The following ADAM9 variants were observed in gnomAD, a reference collection of about 807,000 sequenced individuals.
ADAM9 encodes the protein disintegrin and metalloproteinase domain-containing protein 9.
ADAM9 carries 54 observed loss-of-function variants against 108.1 expected under a neutral mutation model. The observed-to-expected ratio is 0.50, with a 90% CI of 0.40 to 0.63. The LOEUF is 0.63. ADAM9 is among the 20% of genes least tolerant of loss of function. The pLI is 0.00. For synonymous variants in ADAM9, 316 were observed against 336.0 expected, an observed-to-expected ratio of 0.94 and a Z score of 0.65; for missense variants, 830 against 997.7, an observed-to-expected ratio of 0.83 and a Z score of 2.26.
chr8:39,061,223 A>C (rs1838288292), intron 14 of ADAM9, among the ~76,000 whole-genome samples: 1 of 152,178 alleles, frequency 6.6e-6, no homozygotes, highest in Non-Finnish European at 1.5e-5. Context: ...AGTGGGTTCC[A>C]CCTGGCCTTT....
intron 10 of ADAM9, among the ~76,000 whole-genome samples, chr8:39,026,140 G>C (rs751482662): frequency 6.6e-6 from 1 of 152,114 alleles, no homozygotes; most frequent in Non-Finnish European, 1.5e-5. Context: ...AGAATGTCCA[G>C]GTTTGTTACA....
chr8:39,041,979 G>A lies in ADAM9; in HGVS notation c.1164G>A (p.Glu388=). Residue 388 remains glutamate, a synonymous_variant, in exon 12 of 22, where the codon GAG becomes GAA. Coordinates refer to ENST00000487273, the MANE Select transcript of ADAM9 (RefSeq NM_003816.3). ...GAAACTTTAGCAGTTGCAGTGCAGA[G>A]GACTTTGAGAAGTTAACTTTAAATA... ...GSRNFSSCSA[E]DFEKLTLNKG... 2 of 1,614,036 alleles carry A rather than the reference G, an allele frequency of 1.2e-6. No individual in the cohort carries two copies. Among genetic ancestry groups the A allele is most frequent in the African/African-American group, 1.3e-5 (1 of 75,040 alleles).
intron 7 of ADAM9, 113 bp downstream of exon 7, chr8:39,019,031 A>T: frequency 9.3e-7 from 1 of 1,076,794 alleles, no homozygotes; most frequent in Admixed American, 2.0e-5. Context: ...TTAAATAATG[A>T]TTTTAAAACT....
In ADAM9 at chr8:39,034,649, A is replaced by G. The variant is rs116503787; in HGVS notation, c.1131-7297A>G. On this transcript the variant is annotated intron_variant, in intron 11 of 21. Transcript: ENST00000487273. ...TTTTTTGAGGATATTTTTGTTGAAT[A>G]TAGAATCGTAGATCATCAGTTATTT... is the stretch of plus-strand genomic sequence containing the variant. Among the ~76,000 whole-genome samples, 169 of 152,316 alleles carry G rather than the reference A, an allele frequency of 1.1e-3. 1 individual carries two copies. Among genetic ancestry groups the G allele is most frequent in the African/African-American group, 3.8e-3 (157 of 41,578 alleles).
At chr8:39,067,981 T>G (rs1258255533) in intron 14 of ADAM9, among the ~76,000 whole-genome samples, 1 of 152,252 alleles carries the variant, frequency 6.6e-6, no homozygotes, top group African/African-American at 2.4e-5. Flanking sequence ...TCAAAGGCCT[T>G]TTCTGCATCT....
intron 16 of ADAM9, among the ~76,000 whole-genome samples, chr8:39,081,072 C>T (rs758164472): frequency 9.9e-5 from 15 of 151,634 alleles, no homozygotes; most frequent in Non-Finnish European, 1.6e-4. Flanking sequence ...TGCTGCCTCC[C>T]AGGTAGCTGG....
At chr8:39,056,373 G>T (rs1014884134) in intron 14 of ADAM9, among the ~76,000 whole-genome samples, 8 of 123,346 alleles carry the variant, frequency 6.5e-5, no homozygotes, top group Non-Finnish European at 1.1e-4. Flanking sequence ...TTGTTAACTT[G>T]TGCTAGGTTT....
At chr8:39,100,734 C>T (rs1839666211) in intron 20 of ADAM9, among the ~76,000 whole-genome samples, 1 of 152,194 alleles carries the variant, frequency 6.6e-6, no homozygotes, top group Admixed American at 6.5e-5. Context: ...TGCTCAAGGT[C>T]TTCACCACCA....
At position 39,026,665 on chromosome 8, in the gene ADAM9, T is replaced by C. The variant is rs752106962; in HGVS notation, c.997-12T>C. On this transcript the variant is annotated splice_polypyrimidine_tract_variant and intron_variant, in intron 10 of 21. Coordinates refer to ENST00000487273, the MANE Select transcript of ADAM9 (RefSeq NM_003816.3). The stretch of plus-strand genomic sequence containing the variant: ...TTCAGAAACCTAATTACTACCTTCC[T>C]GTTCTGAACAGTTTGGACAAATCAC... The C allele has an allele frequency of 6.2e-6, 10 of 1,614,046 alleles. No individual in the cohort carries two copies. The South Asian group carries it at 1.1e-4, about 18-fold the overall frequency.
intron 2 of ADAM9, among the ~76,000 whole-genome samples, chr8:39,010,765 T>C (rs1173127277): frequency 1.3e-5 from 2 of 152,136 alleles, no homozygotes; most frequent in Non-Finnish European, 1.5e-5. Flanking sequence ...ATGCCATCAA[T>C]TGTGAGACAC....
At chr8:39,013,489 G>A (rs1406321262) in intron 3 of ADAM9, among the ~76,000 whole-genome samples, 2 of 147,918 alleles carry the variant, frequency 1.4e-5, no homozygotes, top group East Asian at 3.9e-4. Context: ...CCGTTTATGA[G>A]CTTTTTTTTT....
rs755884246 is a variant in ADAM9, at chr8:39,011,729, A to G, written c.254+13A>G. 20 of 1,604,300 alleles carry G rather than the reference A, an allele frequency of 1.2e-5. No homozygotes were observed. Among genetic ancestry groups the G allele is most frequent in the Non-Finnish European group, 1.6e-5 (19 of 1,171,344 alleles). ...TGGAAAGGAACAAGTAAGACATTTA[A>G]TTTATTTTGGCTTTTCAGTAATGTT... On this transcript the variant is annotated intron_variant, in intron 3 of 21. Transcript: ENST00000487273.
chr8:39,045,064 A>ACATACATATGTATGTGTATGTGTGTGTG (rs1380546296), intron 12 of ADAM9, among the ~76,000 whole-genome samples: 2 of 28,434 alleles, frequency 7.0e-5, no homozygotes, highest in Non-Finnish European at 1.2e-4. Context: ...GTGTGTGCAT[A>ACATACATATGTATGTGTATGTGTGTGTG]CATACATATG....
chr8:39,007,887 C>T lies in ADAM9; in HGVS notation c.99C>T (p.Gly33=), dbSNP rs746965500. ...VGPVLGAARP[G]FQQTSHLSSY... is the part of the protein sequence containing the mutation. ...TATTTGTTTTTGCCTTTTCTGTAGG[C>T]TTTCAACAGACCTCACATCTTTCTT... Residue 33 remains glycine, a splice_region_variant and synonymous_variant, in exon 2 of 22, where the codon GGC becomes GGT. Transcript: ENST00000487273. 1.2e-6 allele frequency: 2 copies of T among 1,606,994 alleles called. No homozygotes were observed. Among genetic ancestry groups the T allele is most frequent in the East Asian group, 2.2e-5 (1 of 44,752 alleles).
intron 8 of ADAM9, 65 bp from the exon 9 acceptor site, chr8:39,023,091 G>A: frequency 7.1e-7 from 1 of 1,401,968 alleles, no homozygotes; most frequent in Non-Finnish European, 9.9e-7. Flanking sequence ...GTTACTTCAT[G>A]TGGTTAAAAG....
In ADAM9 at chr8:39,055,636, C is replaced by A. The variant is rs1588391640; in HGVS notation, c.1455C>A (p.Tyr485Ter). The A allele has an allele frequency of 1.9e-6, 3 of 1,613,688 alleles. No homozygotes were observed. The highest frequency in any genetic ancestry group is 8.5e-7 in the Non-Finnish European group (1 of 1,179,784). Residue 485 changes from tyrosine to a stop codon, truncating the protein, a stop_gained, in exon 14 of 22, where the codon TAC becomes TAA. Coordinates refer to ENST00000487273, the MANE Select transcript of ADAM9 (RefSeq NM_003816.3). LOFTEE classifies it high-confidence loss of function. ...CCAGTGAGTGTGATGTTCCAGAGTA[C>A]TGCAATGGTTCTTCTCAGTTCTGTC... ...GKTSECDVPE[Y>*]CNGSSQFCQP... is the part of the protein sequence containing the mutation.
At chr8:38,999,383 G>A (rs918734072) in intron 1 of ADAM9, among the ~76,000 whole-genome samples, 3 of 151,332 alleles carry the variant, frequency 2.0e-5, no homozygotes, top group Middle Eastern at 3.4e-3. Context: ...AAAAATAAGC[G>A]GAATCAGGTA....
chr8:39,024,131 A>T (rs770086185), intron 9 of ADAM9, among the ~76,000 whole-genome samples: 12 of 152,158 alleles, frequency 7.9e-5, no homozygotes, highest in Non-Finnish European at 1.5e-5. Context: ...GGGAAGTCTG[A>T]AACATTCTGA....
intron 11 of ADAM9, among the ~76,000 whole-genome samples, chr8:39,029,552 G>C (rs980242612): frequency 1.3e-5 from 2 of 152,186 alleles, no homozygotes; most frequent in Non-Finnish European, 2.9e-5. Context: ...TTATATTGAA[G>C]TGATTTCCCT....
Sources: gnomAD v4.1 joint callset for allele counts (sites outside exome capture counted in the v4.1 genomes callset) on GRCh38, gnomAD v4.1.1 for gene constraint, MANE v1.5 for transcripts, NCBI Gene and HGNC (gene_info 2026-07-23, HGNC 2026-07-21) for gene names.